SKIC3: variants seen among roughly 807,000 people sequenced by gnomAD.
SKIC3 encodes superkiller complex protein 3.
At chr5:95,509,497 T>C in the SKIC3 span, 11 of 920,682 alleles carry the variant, frequency 1.2e-5, no homozygotes, top group African/African-American at 1.6e-5. Context: ...TCCCCTGGCT[T>C]CACCCGGTTC....
chr5:95,498,471 G>T, the SKIC3 span: 1 of 1,614,170 alleles, frequency 6.2e-7, no homozygotes, highest in South Asian at 1.1e-5. Flanking sequence ...TACTGTCTTT[G>T]TGTTTGATGT....
chr5:95,503,873 T>G, the SKIC3 span: 2 of 1,614,000 alleles, frequency 1.2e-6, no homozygotes, highest in Non-Finnish European at 1.7e-6. Flanking sequence ...ACCTATGATG[T>G]CTTCTAACAC....
the SKIC3 span, among the ~76,000 whole-genome samples, chr5:95,498,120 T>C: frequency 3.3e-5 from 5 of 152,138 alleles, no homozygotes; most frequent in African/African-American, 1.2e-4. Context: ...AGAGCTTTAA[T>C]AGTAAAACAA....
chr5:95,490,622 A>C, the SKIC3 span, among the ~76,000 whole-genome samples: 1 of 151,078 alleles, frequency 6.6e-6, no homozygotes, highest in African/African-American at 2.4e-5. Flanking sequence ...CTCAGCCTCC[A>C]GAGTAGCTAG....
chr5:95,522,336 A>G, the SKIC3 span: 2 of 1,609,928 alleles, frequency 1.2e-6, no homozygotes, highest in Non-Finnish European at 1.7e-6. Flanking sequence ...TAAGAGAACT[A>G]AAAGTATGGA....
the SKIC3 span, chr5:95,543,421 T>C: frequency 7.2e-7 from 1 of 1,389,230 alleles, no homozygotes; most frequent in East Asian, 2.3e-5. Context: ...AGGAAATCTA[T>C]ATCTACCACT....
the SKIC3 span, among the ~76,000 whole-genome samples, chr5:95,465,342 C>G: frequency 6.6e-6 from 1 of 152,196 alleles, no homozygotes; most frequent in African/African-American, 2.4e-5. Context: ...ATGCATAGAA[C>G]TGTTCAAATG....
chr5:95,524,394 T>G, the SKIC3 span: 35 of 1,582,306 alleles, frequency 2.2e-5, no homozygotes, highest in Non-Finnish European at 3.0e-5. Context: ...TTGTAACTAA[T>G]GTATATGATT....
chr5:95,509,451 G>A, the SKIC3 span: 11 of 696,282 alleles, frequency 1.6e-5, no homozygotes, highest in South Asian at 1.1e-4. Context: ...GAACTGAAGA[G>A]GCCAGGCTCC....
the SKIC3 span, among the ~76,000 whole-genome samples, chr5:95,474,737 T>C: frequency 1.1e-4 from 17 of 152,232 alleles, no homozygotes; most frequent in Non-Finnish European, 1.9e-4. Flanking sequence ...CTCTCAGGAA[T>C]GCCAATGAGT....
At chr5:95,518,002 A>G in the SKIC3 span, among the ~76,000 whole-genome samples, 1 of 152,086 alleles carries the variant, frequency 6.6e-6, no homozygotes, top group South Asian at 2.1e-4. Context: ...GACCCTCACC[A>G]AGATGCCAGC....
At chr5:95,506,974 T>C in the SKIC3 span, 2 of 1,613,428 alleles carry the variant, frequency 1.2e-6, no homozygotes, top group Non-Finnish European at 1.7e-6. Flanking sequence ...ACATTGTAAG[T>C]ATCTTGGTCT....
chr5:95,497,429 T>C, the SKIC3 span: 1 of 1,613,426 alleles, frequency 6.2e-7, no homozygotes, highest in Admixed American at 1.7e-5. Flanking sequence ...TGCATTTCGT[T>C]GAGCATACTG....
chr5:95,542,874 A>G, the SKIC3 span, among the ~76,000 whole-genome samples: 10 of 152,304 alleles, frequency 6.6e-5, no homozygotes, highest in South Asian at 1.9e-3. Context: ...CTTTTTCCTC[A>G]GGTAAGCATA....
the SKIC3 span, chr5:95,541,879 T>G: frequency 6.2e-7 from 1 of 1,612,764 alleles, no homozygotes; most frequent in Non-Finnish European, 8.5e-7. Context: ...TTTATGTGAT[T>G]ATATTTCTCA....
chr5:95,554,972 T>A, the SKIC3 span: 1 of 262,074 alleles, frequency 3.8e-6, no homozygotes, highest in South Asian at 3.5e-5. Context: ...ACGCCGAGGC[T>A]GCAATGAGAG....
chr5:95,499,474 A>G, the SKIC3 span, among the ~76,000 whole-genome samples: 3 of 152,292 alleles, frequency 2.0e-5, no homozygotes, highest in South Asian at 6.2e-4. Flanking sequence ...CCTTGAGCCA[A>G]TTTAACCTCT....
At chr5:95,536,550 C>G in the SKIC3 span, 1 of 394,130 alleles carries the variant, frequency 2.5e-6, no homozygotes, top group South Asian at 3.2e-5. Flanking sequence ...ATAAAAAATT[C>G]AAGACCCCCT....
the SKIC3 span, among the ~76,000 whole-genome samples, chr5:95,505,455 A>G: frequency 5.9e-5 from 9 of 152,220 alleles, no homozygotes; most frequent in Admixed American, 2.0e-4. Context: ...TTTGTGGAGA[A>G]AATAATGGAA....
Sources: allele counts gnomAD v4.1 joint callset (sites outside exome capture counted in the v4.1 genomes callset), GRCh38; gene constraint gnomAD v4.1.1; transcripts MANE v1.5; gene names NCBI Gene and HGNC (gene_info 2026-07-23, HGNC 2026-07-21).